DSG4: variants seen among roughly 807,000 people sequenced by gnomAD.
DSG4 encodes desmoglein 4.
A neutral mutation model predicts 93.1 loss-of-function variants in DSG4; 87 were observed. The ratio of observed to expected loss-of-function variants is 0.93; its 90% confidence interval spans 0.79 to 1.12. The LOEUF is 1.12. Among genes scored for constraint, DSG4 ranks in the 50% most tolerant of loss-of-function variants. DSG4 has a pLI of 0.00. For missense variants in DSG4, 1,373 were observed against 1,285.7 expected (o/e 1.07, Z -1.04); for synonymous variants, 432 against 452.9 (o/e 0.95, Z 0.59).
rs1354557670 is a variant in DSG4 at position 31,414,228 on chromosome 18, A to G, written c.*633A>G. 6.6e-6 allele frequency: 1 copy of G among 152,204 alleles called. No individual in the cohort carries two copies. Among genetic ancestry groups the G allele is most frequent in the Non-Finnish European group, 1.5e-5 (1 of 68,036 alleles). The allele number at this position is 152,204 out of a possible 1,614,324, so 9.4% of individuals were successfully genotyped here. On this transcript the variant is annotated 3_prime_UTR_variant, in exon 16 of 16. Coordinates refer to ENST00000308128, the MANE Select transcript of DSG4 (RefSeq NM_177986.5). The stretch of plus-strand genomic sequence containing the variant: ...TGGAAATGGTTCATCAAAGAAAAAT[A>G]TATATTTTTATTGAACTTTATTGAT...
intron 12 of DSG4, among the ~76,000 whole-genome samples, chr18:31,407,219 G>A (rs2072438004): frequency 6.6e-6 from 1 of 152,190 alleles, no homozygotes; most frequent in East Asian, 1.9e-4. Flanking sequence ...AGAGGCAAAA[G>A]GGAGTCTGGG....
rs1193488504 is a variant in DSG4 at position 31,411,424 on chromosome 18, TTTC to T, written c.2334_2336del (p.Phe778del). 1.2e-6 allele frequency: 2 copies of T among 1,611,520 alleles called. No homozygotes were observed. Among genetic ancestry groups the T allele is most frequent in the Non-Finnish European group, 1.7e-6 (2 of 1,179,940 alleles). On this transcript the variant is annotated inframe_deletion, in exon 15 of 16. Transcript: ENST00000308128. ...ACGCTGACGCAGACATCAACATGGCTTTCTTGGACAGCTACTTCTCGGAGGTAA... is the reference window on the plus strand; with the variant it reads ...ACGCTGACGCAGACATCAACATGGCTTTGGACAGCTACTTCTCGGAGGTAA...
At chr18:31,385,052 A>C in intron 1 of DSG4, 84 bp from the exon 2 acceptor site, 1 of 1,159,408 alleles carries the variant, frequency 8.6e-7, no homozygotes, top group South Asian at 1.3e-5. Context: ...TGAATTAATA[A>C]AAGAATATTG....
intron 14 of DSG4, 31 bp from the exon 15 acceptor site, chr18:31,411,200 G>A: frequency 6.2e-7 from 1 of 1,614,242 alleles, no homozygotes; most frequent in Non-Finnish European, 8.5e-7. Context: ...GGCAACTCCA[G>A]CGCTGTTAAA....
intron 2 of DSG4, among the ~76,000 whole-genome samples, chr18:31,386,073 A>C (rs9304094): frequency 0.07 from 10,712 of 152,130 alleles, 1,195 homozygotes; most frequent in African/African-American, 0.24. Context: ...GCACAGATAC[A>C]AATGACAGCA....
At position 31,406,359 on chromosome 18, in the gene DSG4, TC is replaced by T. The variant is rs2072426880; in HGVS notation, c.1921del (p.Leu641CysfsTer3). ...GGGATTGGCATGATGGTTCTGGGCA[TC>T]CTGCTACTGATTTGTAAGTACTCAA... ...PAGIGMMVLG[I>X]LLLILAPLLL... On this transcript the variant is annotated frameshift_variant, in exon 12 of 16. Coordinates refer to ENST00000308128, the MANE Select transcript of DSG4 (RefSeq NM_177986.5). LOFTEE classifies it high-confidence loss of function. 2 of 1,614,104 alleles carry T rather than the reference TC, an allele frequency of 1.2e-6. No individual in the cohort carries two copies. Among genetic ancestry groups the T allele is most frequent in the Non-Finnish European group, 1.7e-6 (2 of 1,180,052 alleles).
intron 12 of DSG4, 88 bp from the exon 13 acceptor site, chr18:31,409,364 C>T (rs959485181): frequency 3.1e-6 from 5 of 1,589,736 alleles, no homozygotes; most frequent in Non-Finnish European, 3.4e-6. Flanking sequence ...AAATATACTG[C>T]CACCAAATGC....
At chr18:31,392,956 A>T (rs543571772) in intron 8 of DSG4, among the ~76,000 whole-genome samples, 89 of 152,326 alleles carry the variant, frequency 5.8e-4, no homozygotes, top group Admixed American at 1.7e-3. Flanking sequence ...TCTGCTGAGA[A>T]CCTTGCATAC....
intron 14 of DSG4, 99 bp from the exon 15 acceptor site, chr18:31,411,132 C>T: frequency 6.2e-7 from 1 of 1,612,390 alleles, no homozygotes. Flanking sequence ...TACGCCTTGC[C>T]GGGTGGTGGT....
chr18:31,386,129 A>AT, intron 2 of DSG4, among the ~76,000 whole-genome samples: 1 of 152,222 alleles, frequency 6.6e-6, no homozygotes, highest in South Asian at 2.1e-4. Context: ...AGGAATCATC[A>AT]ATTCCTCCAA....
chr18:31,408,819 G>C (rs1021143220), intron 12 of DSG4, among the ~76,000 whole-genome samples: 2 of 152,158 alleles, frequency 1.3e-5, no homozygotes, highest in Non-Finnish European at 2.9e-5. Context: ...AACTTAAGCA[G>C]TGTCTATATT....
intron 9 of DSG4, among the ~76,000 whole-genome samples, chr18:31,399,744 G>A (rs2072345156): frequency 1.3e-5 from 2 of 152,196 alleles, no homozygotes; most frequent in South Asian, 4.1e-4. Context: ...GCTCCAACTA[G>A]TTATAAAAGT....
At chr18:31,410,853 G>C (rs1292883508) in intron 14 of DSG4, among the ~76,000 whole-genome samples, 1 of 152,198 alleles carries the variant, frequency 6.6e-6, no homozygotes, top group Non-Finnish European at 1.5e-5. Flanking sequence ...AGGACTATGA[G>C]CTCAGTTTCT....
In DSG4 at chr18:31,413,113, T is replaced by C. The variant is rs1465893310; in HGVS notation, c.2641T>C (p.Ser881Pro). 1.2e-6 allele frequency: 2 copies of C among 1,614,022 alleles called. No individual in the cohort carries two copies. The highest frequency in any genetic ancestry group is 2.7e-5 in the African/African-American group (2 of 74,902). ...LGPNYFVNES[S>P]GLTPSEVEFQ... ...ACCTAATTACTTTGTTAATGAATCT[T>C]CAGGATTGACTCCCTCAGAAGTTGA... is the stretch of plus-strand genomic sequence containing the variant. Residue 881 changes from serine (S) to proline (P), a missense_variant, in exon 16 of 16, where the codon TCA becomes CCA. Physicochemically the swap from Ser to Pro is moderately conservative, Grantham distance 74. Transcript: ENST00000308128.
intron 5 of DSG4, 65 bp from the exon 6 acceptor site, chr18:31,390,590 GC>G: frequency 3.1e-6 from 5 of 1,590,488 alleles, no homozygotes; most frequent in Non-Finnish European, 3.4e-6. Flanking sequence ...GTCTTCTTAT[GC>G]CTAATGATTT....
intron 14 of DSG4, among the ~76,000 whole-genome samples, chr18:31,410,106 C>T (rs1476710289): frequency 1.3e-5 from 2 of 152,120 alleles, no homozygotes; most frequent in Admixed American, 1.3e-4. Flanking sequence ...TGCATAGGAC[C>T]ATGAGTTTGA....
chr18:31,396,635 T>C (rs958094979), intron 8 of DSG4, among the ~76,000 whole-genome samples: 10 of 152,114 alleles, frequency 6.6e-5, no homozygotes, highest in Non-Finnish European at 1.3e-4. Context: ...GGATTACATG[T>C]GTGAGCCACC....
At chr18:31,379,949 T>G (rs1476556209) in intron 1 of DSG4, among the ~76,000 whole-genome samples, 1 of 152,232 alleles carries the variant, frequency 6.6e-6, no homozygotes, top group African/African-American at 2.4e-5. Flanking sequence ...ACAGAAAGAA[T>G]GTACTCATCA....
In DSG4 at chr18:31,403,493, C is replaced by T. The variant is rs1042293964; in HGVS notation, c.1495C>T (p.Pro499Ser). The change falls in exon 11 of 16, where the codon CCT (proline) becomes TCT (serine). Residue 499 changes from proline to serine, a missense_variant. Physicochemically the swap from Pro to Ser is moderately conservative, Grantham distance 74. Coordinates refer to ENST00000308128, the MANE Select transcript of DSG4 (RefSeq NM_177986.5). ...CAATGATTATTGTCCAAACATTTTT[C>T]CTGAAAGAAGAACCATCTGCATTGA... ...DINDYCPNIF[P>S]ERRTICIDSP... The T allele has an allele frequency of 6.2e-7, 1 of 1,613,962 alleles. No homozygotes were observed. The highest frequency in any genetic ancestry group is 8.5e-7 in the Non-Finnish European group (1 of 1,179,954).
Sources: gnomAD v4.1 joint callset for allele counts (sites outside exome capture counted in the v4.1 genomes callset) on GRCh38, gnomAD v4.1.1 for gene constraint, MANE v1.5 for transcripts, NCBI Gene and HGNC (gene_info 2026-07-23, HGNC 2026-07-21) for gene names.